RECK: variants seen among roughly 807,000 people sequenced by gnomAD.
RECK encodes the protein reversion-inducing cysteine-rich protein with Kazal motifs.
In RECK, 69 loss-of-function variants were observed where a neutral mutation model predicts 115.1. That is an observed-to-expected ratio of 0.60 (90% CI 0.49 to 0.73). RECK has a LOEUF of 0.73. RECK is among the 30% of genes least tolerant of loss of function. RECK has a pLI of 0.00. For missense variants in RECK, 1,047 were observed against 1,203.7 expected (o/e 0.87, Z 1.93); for synonymous variants, 414 against 419.7 (o/e 0.99, Z 0.17).
chr9:36,122,771 T>C (rs937183383), intron 20 of RECK, 53 bp from the exon 21 acceptor site: 40 of 1,449,888 alleles, frequency 2.8e-5, no homozygotes, highest in Middle Eastern at 1.8e-4. Context: ...TCTGGCTTGA[T>C]GTTGAAAACG....
Position 36,118,878 on chromosome 9 carries a change from T to A in RECK, c.2375T>A (p.Val792Asp), listed in dbSNP as rs931469854. The change falls in exon 18 of 21, where the codon GTC becomes GAC. Residue 792 changes from valine to aspartate, a missense_variant. Transcript: ENST00000377966. ...TATGGGGACTGCCAGGCCGTCGGAG[T>A]CCTCTCAGAGCACAGCTCCGTCGCC... Reference protein sequence around the residue: ...DYYGDCQAVGVLSEHSSVAEC... With the variant: ...DYYGDCQAVGDLSEHSSVAEC... 1 of 1,613,844 alleles carries A rather than the reference T, an allele frequency of 6.2e-7. No homozygotes were observed. The highest frequency in any genetic ancestry group is 1.7e-5 in the Admixed American group (1 of 60,002).
intron 7 of RECK, among the ~76,000 whole-genome samples, chr9:36,081,964 A>AC (rs1249150277): frequency 3.3e-5 from 5 of 152,092 alleles, no homozygotes; most frequent in Admixed American, 2.6e-4. Context: ...TGGTCTGGGA[A>AC]ACTGAGACTT....
In RECK at chr9:36,106,240, GT is replaced by G. The variant is rs1202628348; in HGVS notation, c.1576+968del. Among the ~76,000 whole-genome samples the G allele has an allele frequency of 5.6e-4, 73 of 130,418 alleles. No individual in the cohort carries two copies. The East Asian group carries it at 0.01, about 18-fold the overall frequency. The allele number at this position is 130,418 out of a possible 152,430, so 85.6% of individuals were successfully genotyped here. A position where few individuals can be genotyped will look rare whatever the true frequency, so the allele number is the denominator to read the frequency against. ...AAAAAAAAAAAGATTAAAAAAAAAC[GT>G]TTTTTTTTTTGAGACGGGGTTTCAC... On this transcript the variant is annotated intron_variant, in intron 13 of 20. Transcript: ENST00000377966.
chr9:36,048,157 A>G lies in RECK; in HGVS notation c.101-4108A>G, dbSNP rs201021351. Among the ~76,000 whole-genome samples the G allele has an allele frequency of 5.1e-4, 68 of 132,440 alleles. 2 individuals are homozygous for G. The East Asian group carries it at 8.0e-3, about 16-fold the overall frequency. The allele number at this position is 132,440 out of a possible 152,430, so 86.9% of individuals were successfully genotyped here. A position where few individuals can be genotyped will look rare whatever the true frequency, so the allele number is the denominator to read the frequency against. On this transcript the variant is annotated intron_variant, in intron 1 of 20. Coordinates refer to ENST00000377966, the MANE Select transcript of RECK (RefSeq NM_021111.3). ...TATATATATATATATATATATATATATATGTAAAAACAGGTGTTTTAAACC... is the reference window on the plus strand; with the variant it reads ...TATATATATATATATATATATATATGTATGTAAAAACAGGTGTTTTAAACC...
chr9:36,122,726 A>C, intron 20 of RECK, 98 bp from the exon 21 acceptor site: 1 of 888,810 alleles, frequency 1.1e-6, no homozygotes, highest in African/African-American at 1.7e-5. Context: ...ATGCCCTCTG[A>C]GGCCACGCTA....
At chr9:36,117,209 A>G in intron 17 of RECK, 32 bp downstream of exon 17, 2 of 1,531,972 alleles carry the variant, frequency 1.3e-6, no homozygotes, top group South Asian at 1.2e-5. Context: ...AACAAAGTAC[A>G]CTACGGATAA....
At position 36,121,625 on chromosome 9, in the gene RECK, C is replaced by T. The variant is rs1030128998; in HGVS notation, c.2631C>T (p.Phe877=). The change falls in exon 20 of 21, where the codon TTC becomes TTT. Residue 877 remains phenylalanine (F), a synonymous_variant. Transcript: ENST00000377966. ...SVPQCDVFGY[F]SIESEIVILI... ...CACAGTGTGATGTGTTTGGATACTT[C>T]AGCATTGAATCAGAAATTGTGATCC... 1.2e-6 allele frequency: 2 copies of T among 1,614,030 alleles called. No homozygotes were observed. The highest frequency in any genetic ancestry group is 1.7e-6 in the Non-Finnish European group (2 of 1,179,998).
intron 6 of RECK, among the ~76,000 whole-genome samples, chr9:36,077,615 T>TTAATGG: frequency 6.6e-6 from 1 of 152,256 alleles, no homozygotes; most frequent in East Asian, 1.9e-4. Flanking sequence ...GTGTTAGTGG[T>TTAATGG]TAATGGTAAT....
intron 6 of RECK, among the ~76,000 whole-genome samples, chr9:36,070,818 T>G (rs1822199530): frequency 6.6e-6 from 1 of 152,202 alleles, no homozygotes; most frequent in Non-Finnish European, 1.5e-5. Context: ...CTTGTTTTGA[T>G]TGTGGGGTCA....
chr9:36,112,691 G>T (rs928057411), intron 16 of RECK, among the ~76,000 whole-genome samples: 2 of 152,204 alleles, frequency 1.3e-5, no homozygotes. Flanking sequence ...GCCTGGGGAA[G>T]GCCCTGGGGG....
intron 8 of RECK, 105 bp from the exon 9 acceptor site, chr9:36,087,589 A>G (rs1823012503): frequency 8.6e-7 from 1 of 1,158,720 alleles, no homozygotes; most frequent in Admixed American, 2.2e-5. Context: ...GTGTATACCT[A>G]TGTAACAAAT....
chr9:36,071,195 A>G (rs1438331633), intron 6 of RECK, among the ~76,000 whole-genome samples: 6 of 151,356 alleles, frequency 4.0e-5, no homozygotes, highest in South Asian at 2.1e-4. Context: ...TTCTTTTTGC[A>G]TAGTCTTCGT....
At chr9:36,069,853 T>A (rs752778224) in intron 6 of RECK, among the ~76,000 whole-genome samples, 1 of 152,114 alleles carries the variant, frequency 6.6e-6, no homozygotes, top group Admixed American at 6.5e-5. Flanking sequence ...ATCTTAAAAG[T>A]AGTCAGAAAA....
intron 6 of RECK, among the ~76,000 whole-genome samples, chr9:36,075,800 G>A (rs761887872): frequency 5.9e-5 from 9 of 152,144 alleles, no homozygotes; most frequent in Admixed American, 1.3e-4. Flanking sequence ...TAGTTAAGTA[G>A]AAAGTACTGG....
At chr9:36,089,996 A>C (rs1020970771) in intron 9 of RECK, among the ~76,000 whole-genome samples, 1 of 150,714 alleles carries the variant, frequency 6.6e-6, no homozygotes, top group African/African-American at 2.5e-5. Context: ...ACACACACAC[A>C]CACACACAAA....
chr9:36,056,331 AG>A (rs2132572096), intron 2 of RECK, among the ~76,000 whole-genome samples: 1 of 152,296 alleles, frequency 6.6e-6, no homozygotes, highest in African/African-American at 2.4e-5. Flanking sequence ...ATTATTTAAA[AG>A]GTTTTTTTAG....
chr9:36,050,005 A>G (rs1415455179), intron 1 of RECK, among the ~76,000 whole-genome samples: 1 of 152,090 alleles, frequency 6.6e-6, no homozygotes, highest in Admixed American at 6.5e-5. Context: ...TCTCTTAATT[A>G]TCTTCCCATA....
At chr9:36,117,212 A>G (rs1169604333) in intron 17 of RECK, 35 bp downstream of exon 17, 2 of 1,527,436 alleles carry the variant, frequency 1.3e-6, no homozygotes, top group Admixed American at 4.0e-5. Flanking sequence ...AAAGTACACT[A>G]CGGATAAAAT....
intron 9 of RECK, among the ~76,000 whole-genome samples, chr9:36,089,870 C>T (rs1451654681): frequency 6.6e-6 from 1 of 151,990 alleles, no homozygotes; most frequent in Non-Finnish European, 1.5e-5. Context: ...TGCAGTGACT[C>T]AAGCCTGTAA....
Sources: allele counts gnomAD v4.1 joint callset (sites outside exome capture counted in the v4.1 genomes callset), GRCh38; gene constraint gnomAD v4.1.1; transcripts MANE v1.5; gene names NCBI Gene and HGNC (gene_info 2026-07-23, HGNC 2026-07-21).